PTPRD: variants seen among roughly 807,000 people sequenced by gnomAD.
The protein encoded by PTPRD is receptor-type tyrosine-protein phosphatase delta.
In PTPRD, 34 loss-of-function variants were observed where a neutral mutation model predicts 214.5. The ratio of observed to expected loss-of-function variants is 0.16; its 90% CI spans 0.12 to 0.21. The LOEUF (loss-of-function observed/expected upper bound fraction) is 0.21, where lower values mean the gene tolerates loss of function less well. Ranked by LOEUF, PTPRD falls within the 10% of genes least tolerant of loss-of-function variation. The pLI is 1.00. For missense variants in PTPRD, 2,545 were observed against 2,398.7 expected (o/e 1.06, Z -1.27); for synonymous variants, 1,128 against 845.7 (o/e 1.33, Z -5.79).
intron 4 of PTPRD, among the ~76,000 whole-genome samples, chr9:9,950,656 C>T (rs1427788021): frequency 2.9e-5 from 1 of 34,810 alleles, no homozygotes; most frequent in Admixed American, 4.2e-4. Flanking sequence ...CCCCAGGGGG[C>T]GGAGCCTGCA....
chr9:9,343,968 T>G lies in PTPRD; in HGVS notation c.-203+53481A>C, dbSNP rs200672554. On this transcript the variant is annotated intron_variant, in intron 9 of 45. Coordinates refer to ENST00000381196, the MANE Select transcript of PTPRD (RefSeq NM_002839.4). ...TTTTGGAAATTAAACTTTTCACTTA[T>G]TTTTCTTCCTAACTGAGCTTGCACA... Among the ~76,000 whole-genome samples the G allele has an allele frequency of 5.3e-5, 8 of 152,266 alleles. No homozygotes were observed. The East Asian group carries it at 1.2e-3, about 22-fold the overall frequency.
At chr9:8,522,784 A>C (rs2097916922) in intron 19 of PTPRD, among the ~76,000 whole-genome samples, 1 of 152,194 alleles carries the variant, frequency 6.6e-6, no homozygotes, top group South Asian at 2.1e-4. Context: ...ATACCATAAG[A>C]ATTTGAGATC....
chr9:10,243,119 C>T (rs1478529364), intron 3 of PTPRD, among the ~76,000 whole-genome samples: 1 of 151,888 alleles, frequency 6.6e-6, no homozygotes, highest in Non-Finnish European at 1.5e-5. Flanking sequence ...TTAACTGATC[C>T]CTGTCAAAAA....
At chr9:8,711,669 G>A (rs2098335405) in intron 12 of PTPRD, among the ~76,000 whole-genome samples, 1 of 152,174 alleles carries the variant, frequency 6.6e-6, no homozygotes, top group South Asian at 2.1e-4. Context: ...CATCTACAGA[G>A]ATTCTGATTA....
intron 5 of PTPRD, among the ~76,000 whole-genome samples, chr9:9,779,979 C>T (rs2147066): frequency 6.6e-6 from 1 of 151,940 alleles, no homozygotes; most frequent in African/African-American, 2.4e-5. Flanking sequence ...TTGTGTCATT[C>T]ATCATAGCGA....
chr9:9,329,668 T>A lies in PTPRD; in HGVS notation c.-203+67781A>T, dbSNP rs555530795. On this transcript the variant is annotated intron_variant, in intron 9 of 45. Coordinates refer to ENST00000381196, the MANE Select transcript of PTPRD (RefSeq NM_002839.4). The stretch of plus-strand genomic sequence containing the variant: ...CTAGAGAGAATATAGAAGAATTACA[T>A]GGATCACATAATTGTTACAACAAAC... Among the ~76,000 whole-genome samples the A allele has an allele frequency of 2.6e-5, 4 of 152,298 alleles. No homozygotes were observed. In the East Asian group the frequency reaches 7.7e-4, roughly 29 times the overall value.
intron 9 of PTPRD, among the ~76,000 whole-genome samples, chr9:9,338,517 A>T (rs1596002755): frequency 6.6e-6 from 1 of 152,114 alleles, no homozygotes; most frequent in East Asian, 1.9e-4. Flanking sequence ...ATTTTATAAG[A>T]TATTCTTTTT....
chr9:8,909,093 C>G (rs1407466240), intron 11 of PTPRD, among the ~76,000 whole-genome samples: 8 of 151,742 alleles, frequency 5.3e-5, no homozygotes, highest in Non-Finnish European at 8.8e-5. Context: ...AAAAGAAAAA[C>G]TTGAATAGAC....
chr9:10,257,372 G>T (rs901871779), intron 3 of PTPRD, among the ~76,000 whole-genome samples: 8 of 152,098 alleles, frequency 5.3e-5, no homozygotes, highest in Non-Finnish European at 1.2e-4. Context: ...GGTAGAGAAA[G>T]GCTCCCAGGG....
chr9:8,607,888 A>C (rs2095294795), intron 14 of PTPRD, among the ~76,000 whole-genome samples: 1 of 152,200 alleles, frequency 6.6e-6, no homozygotes, highest in African/African-American at 2.4e-5. Flanking sequence ...TTTTTACATT[A>C]TGGTGGACTT....
intron 5 of PTPRD, 129 bp downstream of exon 5, chr9:9,938,378 G>A (rs566936003): frequency 1.3e-5 from 2 of 152,268 alleles, no homozygotes; most frequent in East Asian, 1.9e-4. Context: ...TTAAAGAAAT[G>A]CAGTGTTTTC....
At chr9:9,614,011 A>G (rs978884388) in intron 7 of PTPRD, among the ~76,000 whole-genome samples, 4 of 152,146 alleles carry the variant, frequency 2.6e-5, no homozygotes, top group Non-Finnish European at 5.9e-5. Context: ...CCTTCTTCAC[A>G]TGTTGTCATA....
intron 3 of PTPRD, among the ~76,000 whole-genome samples, chr9:10,135,447 G>C (rs1369994938): frequency 2.0e-5 from 3 of 152,036 alleles, no homozygotes; most frequent in Admixed American, 6.6e-5. Flanking sequence ...CAAGGTCAAT[G>C]TGATAGAAAA....
intron 44 of PTPRD, among the ~76,000 whole-genome samples, chr9:8,328,123 T>C (rs1835869111): frequency 6.6e-6 from 1 of 152,208 alleles, no homozygotes; most frequent in Non-Finnish European, 1.5e-5. Context: ...CGATGGTCTT[T>C]ACAATTTGGT....
chr9:9,981,379 G>C lies in PTPRD; in HGVS notation c.-471-42769C>G, dbSNP rs559877571. On this transcript the variant is annotated intron_variant, in intron 4 of 45. Coordinates refer to ENST00000381196, the MANE Select transcript of PTPRD (RefSeq NM_002839.4). ...ATTTTTTTTTTTTTTTTTTAAGACA[G>C]AGTCTCACTCTGTCGCCCAGGCTGG... Among the ~76,000 whole-genome samples the C allele has an allele frequency of 1.1e-4, 14 of 121,848 alleles. No homozygotes were observed. The East Asian group carries it at 3.2e-3, about 28-fold the overall frequency. 79.9% of individuals were successfully genotyped at this position (121,848 alleles called of 152,430 possible).
At chr9:9,857,291 T>G (rs564127520) in intron 5 of PTPRD, among the ~76,000 whole-genome samples, 1 of 152,288 alleles carries the variant, frequency 6.6e-6, no homozygotes. Flanking sequence ...TGAGTTCTTG[T>G]TACCAGGGTG....
intron 8 of PTPRD, among the ~76,000 whole-genome samples, chr9:9,424,949 A>G (rs915420798): frequency 2.0e-5 from 3 of 152,214 alleles, no homozygotes; most frequent in Non-Finnish European, 4.4e-5. Context: ...ATTTTTACCT[A>G]CTACTTAAAG....
At chr9:8,818,876 C>T (rs1181366121) in intron 11 of PTPRD, among the ~76,000 whole-genome samples, 1 of 152,146 alleles carries the variant, frequency 6.6e-6, no homozygotes, top group Non-Finnish European at 1.5e-5. Context: ...TTTGTTCGTA[C>T]AACAGATTTA....
chr9:9,955,910 A>T (rs949703343), intron 4 of PTPRD, among the ~76,000 whole-genome samples: 1 of 152,202 alleles, frequency 6.6e-6, no homozygotes, highest in Non-Finnish European at 1.5e-5. Flanking sequence ...CTGAAACAGT[A>T]TCAGAAGGAC....
Sources: allele counts gnomAD v4.1 joint callset (sites outside exome capture counted in the v4.1 genomes callset), GRCh38; gene constraint gnomAD v4.1.1; transcripts MANE v1.5; gene names NCBI Gene and HGNC (gene_info 2026-07-23, HGNC 2026-07-21).